The following OR5H15 variants were observed in gnomAD, a reference collection of about 807,000 sequenced individuals.
The protein encoded by OR5H15 is olfactory receptor family 5 subfamily H member 15, also known as olfactory receptor 5H15.
For missense variants in OR5H15, 405 were observed against 366.1 expected (o/e 1.11, Z -0.87); for synonymous variants, 153 against 129.1 (o/e 1.19, Z -1.26).
chr3:98,168,745 G>C lies in OR5H15; in HGVS notation c.46G>C (p.Gly16Arg), dbSNP rs764901504. Residue 16 changes from glycine (G) to arginine (R), a missense_variant, in exon 2 of 2, where the codon GGA becomes CGA. Gly to Arg is a moderately radical substitution (Grantham distance 125). Coordinates refer to ENST00000641450, the MANE Select transcript of OR5H15 (RefSeq NM_001005515.2). ...ATTGCTGACAGAGTTTGTTCTCACA[G>C]GATTTTTATATCAACCACAGTGGAA... Reference protein sequence around the residue: ...ATLLTEFVLTGFLYQPQWKIP... With the variant: ...ATLLTEFVLTRFLYQPQWKIP... 5 of 1,613,204 alleles carry C rather than the reference G, an allele frequency of 3.1e-6. No individual in the cohort carries two copies. In the African/African-American group the frequency reaches 5.3e-5, roughly 17 times the overall value.
chr3:98,169,012 G>T lies in OR5H15; in HGVS notation c.313G>T (p.Ala105Ser), dbSNP rs1436865878. The part of the protein sequence containing the change: ...SECKIQFFSI[A>S]IGVTTECFLL... ...ATGCAAGATACAATTTTTTTCCATT[G>T]CAATTGGCGTAACCACAGAATGTTT... The change falls in exon 2 of 2, where the codon GCA (alanine) becomes TCA (serine). Residue 105 changes from alanine to serine, a missense_variant. Coordinates refer to ENST00000641450, the MANE Select transcript of OR5H15 (RefSeq NM_001005515.2). 6.2e-7 allele frequency: 1 copy of T among 1,613,490 alleles called. No homozygotes were observed. The highest frequency in any genetic ancestry group is 1.3e-5 in the African/African-American group (1 of 74,882).
In OR5H15 at chr3:98,166,743, T is replaced by G. The variant is rs1480884398; in HGVS notation, c.-107T>G. On this transcript the variant is annotated 5_prime_UTR_variant, in exon 1 of 2. Coordinates refer to ENST00000641450, the MANE Select transcript of OR5H15 (RefSeq NM_001005515.2). ...AGTACGTAATGAATGGCTACCTGTG[T>G]TATTGACATTGCTGTGCTACTGTAT... 1 of 152,180 alleles carries G rather than the reference T, an allele frequency of 6.6e-6. No individual in the cohort carries two copies. Among genetic ancestry groups the G allele is most frequent in the African/African-American group, 2.4e-5 (1 of 41,454 alleles). The allele number at this position is 152,180 out of a possible 1,614,324, so 9.4% of individuals were successfully genotyped here.
rs1344741255 is a variant in OR5H15 at position 98,168,818 on chromosome 3, T to A, written c.119T>A (p.Met40Lys). 2 of 1,613,416 alleles carry A rather than the reference T, an allele frequency of 1.2e-6. No homozygotes were observed. The highest frequency in any genetic ancestry group is 1.3e-5 in the African/African-American group (1 of 74,890). Residue 40 changes from methionine to lysine, a missense_variant, in exon 2 of 2, where the codon ATG (methionine) becomes AAG (lysine). Met to Lys is a moderately conservative substitution (Grantham distance 95). Transcript: ENST00000641450. ...AFLVIYLITI[M>K]GNLGLIAVIW... ...TTGGTAATATATCTCATCACCATCA[T>A]GGGGAATCTTGGTCTGATTGCTGTC...
intron 1 of OR5H15, among the ~76,000 whole-genome samples, chr3:98,167,942 C>A (rs928808263): frequency 6.6e-6 from 1 of 152,024 alleles, no homozygotes; most frequent in Non-Finnish European, 1.5e-5. Flanking sequence ...TCCTTAGAAT[C>A]TATTTATTTG....
In OR5H15 at chr3:98,169,616, A is replaced by G; in HGVS notation, c.917A>G (p.Lys306Arg). The G allele has an allele frequency of 6.3e-7, 1 of 1,599,130 alleles. No homozygotes were observed. The highest frequency in any genetic ancestry group is 1.1e-5 in the South Asian group (1 of 89,810). ...QVIVSFIKML[K>R]RNVKVSY Reference sequence around the variant, plus strand: ...ATAGTTTCATTCATAAAAATGTTAAAAAGAAATGTTAAGGTTTCATACTAA... The same window carrying G: ...ATAGTTTCATTCATAAAAATGTTAAGAAGAAATGTTAAGGTTTCATACTAA... Residue 306 changes from lysine (K) to arginine (R), a missense_variant, in exon 2 of 2, where the codon AAA becomes AGA. Physicochemically the swap from Lys to Arg is conservative, Grantham distance 26 (BLOSUM62 2). Coordinates refer to ENST00000641450, the MANE Select transcript of OR5H15 (RefSeq NM_001005515.2).
Position 98,169,023 on chromosome 3 carries a change from A to T in OR5H15, c.324A>T (p.Val108=), listed in dbSNP as rs1388582676. 2.5e-6 allele frequency: 4 copies of T among 1,613,544 alleles called. No homozygotes were observed. Among genetic ancestry groups the T allele is most frequent in the South Asian group, 1.1e-5 (1 of 91,070 alleles). ...KIQFFSIAIG[V]TTECFLLATM... ...AATTTTTTTCCATTGCAATTGGCGTAACCACAGAATGTTTTCTCTTGGCAA... is the reference window on the plus strand; with the variant it reads ...AATTTTTTTCCATTGCAATTGGCGTTACCACAGAATGTTTTCTCTTGGCAA... Residue 108 remains valine (V), a synonymous_variant, in exon 2 of 2, where the codon GTA becomes GTT. Coordinates refer to ENST00000641450, the MANE Select transcript of OR5H15 (RefSeq NM_001005515.2).
Position 98,169,318 on chromosome 3 carries a change from C to G in OR5H15, c.619C>G (p.Gln207Glu), listed in dbSNP as rs80311638. Reference protein sequence around the residue: ...LMVFIFSGSIQVFSIVTILIS... With the variant: ...LMVFIFSGSIEVFSIVTILIS... ...GGTTTTTATTTTCTCAGGTTCAATT[C>G]AGGTATTCAGCATTGTGACTATTCT... Residue 207 changes from glutamine to glutamate, a missense_variant, in exon 2 of 2, where the codon CAG (glutamine) becomes GAG (glutamate). Gln to Glu is a conservative substitution (Grantham distance 29). Coordinates refer to ENST00000641450, the MANE Select transcript of OR5H15 (RefSeq NM_001005515.2). The G allele has an allele frequency of 2.5e-6, 4 of 1,612,038 alleles. No individual in the cohort carries two copies. Among genetic ancestry groups the G allele is most frequent in the Non-Finnish European group, 3.4e-6 (4 of 1,178,714 alleles).
At chr3:98,167,949 T>A (rs1294994752) in intron 1 of OR5H15, among the ~76,000 whole-genome samples, 1 of 152,090 alleles carries the variant, frequency 6.6e-6, no homozygotes, top group African/African-American at 2.4e-5. Context: ...AATCTATTTA[T>A]TTGTTTTACC....
rs1473384004 is a variant in OR5H15, at chr3:98,169,197, A to C, written c.498A>C (p.Leu166=). Residue 166 remains leucine (L), a synonymous_variant, in exon 2 of 2, where the codon CTA becomes CTC. Coordinates refer to ENST00000641450, the MANE Select transcript of OR5H15 (RefSeq NM_001005515.2). ...ALIHEGFLFR[L]TFCNSNIVHH... ...TCCATGAAGGATTTTTATTCAGACT[A>C]ACCTTCTGTAACTCCAACATAGTAC... 7 of 1,612,994 alleles carry C rather than the reference A, an allele frequency of 4.3e-6. No individual in the cohort carries two copies. The highest frequency in any genetic ancestry group is 2.7e-5 in the African/African-American group (2 of 74,994).
chr3:98,168,971 T>C lies in OR5H15; in HGVS notation c.272T>C (p.Met91Thr), dbSNP rs573967139. The C allele has an allele frequency of 1.5e-4, 238 of 1,613,626 alleles. 1 individual carries two copies. In the East Asian group the frequency reaches 4.7e-3, roughly 32 times the overall value. Residue 91 changes from methionine to threonine, a missense_variant, in exon 2 of 2, where the codon ATG becomes ACG. Met to Thr is a moderately conservative substitution (Grantham distance 81, BLOSUM62 -1). Coordinates refer to ENST00000641450, the MANE Select transcript of OR5H15 (RefSeq NM_001005515.2). ...MLNNFLAKSK[M>T]ISLSECKIQF... Reference sequence around the variant, plus strand: ...AATAACTTCTTAGCTAAGAGTAAGATGATATCTCTCTCTGAATGCAAGATA... The same window carrying C: ...AATAACTTCTTAGCTAAGAGTAAGACGATATCTCTCTCTGAATGCAAGATA...
At chr3:98,167,652 T>C (rs1479537955) in intron 1 of OR5H15, among the ~76,000 whole-genome samples, 1 of 152,058 alleles carries the variant, frequency 6.6e-6, no homozygotes, top group African/African-American at 2.4e-5. Context: ...TCTTTTTTGT[T>C]TCTTCATTAC....
At chr3:98,167,114 T>C (rs1307871605) in intron 1 of OR5H15, among the ~76,000 whole-genome samples, 1 of 152,162 alleles carries the variant, frequency 6.6e-6, no homozygotes, top group Admixed American at 6.6e-5. Flanking sequence ...AAACTTGGTT[T>C]ACACATTCAC....
rs1305717159 is a variant in OR5H15, at chr3:98,169,220, T to C, written c.521T>C (p.Val174Ala). The C allele has an allele frequency of 3.1e-6, 5 of 1,611,854 alleles. No homozygotes were observed. Among genetic ancestry groups the C allele is most frequent in the Non-Finnish European group, 4.2e-6 (5 of 1,178,560 alleles). The change falls in exon 2 of 2, where the codon GTA becomes GCA. Residue 174 changes from valine (V) to alanine (A), a missense_variant. Physicochemically the swap from Val to Ala is moderately conservative, Grantham distance 64. Coordinates refer to ENST00000641450, the MANE Select transcript of OR5H15 (RefSeq NM_001005515.2). ...FRLTFCNSNI[V>A]HHIYCDTIPL... The stretch of plus-strand genomic sequence containing the variant: ...CTAACCTTCTGTAACTCCAACATAG[T>C]ACATCACATTTACTGTGACACTATC...
chr3:98,168,565 G>A, intron 1 of OR5H15, 117 bp from the exon 2 acceptor site: 1 of 1,153,230 alleles, frequency 8.7e-7, no homozygotes, highest in Non-Finnish European at 1.2e-6. Flanking sequence ...TTGTAGGACT[G>A]ATCAAAAAAT....
rs751245454 is a variant in OR5H15 at position 98,169,713 on chromosome 3, TCAAA to T, written c.*75_*78del. ...GAGGTACCTATGTTGTTTCCAGTGT[TCAAA>T]CATTTTTGCAAGTATAACTGTCCTA... On this transcript the variant is annotated 3_prime_UTR_variant, in exon 2 of 2. Coordinates refer to ENST00000641450, the MANE Select transcript of OR5H15 (RefSeq NM_001005515.2). 2.6e-6 allele frequency: 3 copies of T among 1,154,682 alleles called. No homozygotes were observed. The highest frequency in any genetic ancestry group is 2.6e-5 in the South Asian group (2 of 76,952). 71.5% of individuals were successfully genotyped at this position (1,154,682 alleles called of 1,614,324 possible).
At chr3:98,168,637 A>G in intron 1 of OR5H15, 45 bp from the exon 2 acceptor site, 4 of 1,582,888 alleles carry the variant, frequency 2.5e-6, no homozygotes, top group Non-Finnish European at 3.4e-6. Flanking sequence ...TCAACTCATA[A>G]TGTCATTGCA....
chr3:98,168,612 A>T, intron 1 of OR5H15, 70 bp from the exon 2 acceptor site: 2 of 1,532,890 alleles, frequency 1.3e-6, no homozygotes, highest in Non-Finnish European at 1.8e-6. Flanking sequence ...TTATTTCAAC[A>T]TCTCTTCCCC....
intron 1 of OR5H15, among the ~76,000 whole-genome samples, chr3:98,168,016 C>G (rs1250919758): frequency 6.6e-6 from 1 of 152,026 alleles, no homozygotes. Context: ...ATTTGAATCA[C>G]CTGGAGGGTA....
Position 98,168,723 on chromosome 3 carries a change from G to T in OR5H15, c.24G>T (p.Leu8Phe). MEEENAT[L>F]LTEFVLTGFL... ...ACATGGAAGAGGAAAATGCAACATT[G>T]CTGACAGAGTTTGTTCTCACAGGAT... is the stretch of plus-strand genomic sequence containing the variant. Residue 8 changes from leucine to phenylalanine, a missense_variant, in exon 2 of 2, where the codon TTG becomes TTT. Physicochemically the swap from Leu to Phe is conservative, Grantham distance 22. Transcript: ENST00000641450. 1 of 1,613,140 alleles carries T rather than the reference G, an allele frequency of 6.2e-7. No homozygotes were observed.
Sources: gnomAD v4.1 joint callset for allele counts (sites outside exome capture counted in the v4.1 genomes callset) on GRCh38, gnomAD v4.1.1 for gene constraint, MANE v1.5 for transcripts, NCBI Gene and HGNC (gene_info 2026-07-23, HGNC 2026-07-21) for gene names.